Variants in MALAT1 observed in about 807,000 individuals in gnomAD.
The protein encoded by MALAT1 is hepcarcin.
chr11:65,497,871 T>TC (rs763158523), intron 1 of MALAT1: 1 of 518,366 alleles, frequency 1.9e-6, no homozygotes, highest in Admixed American at 1.9e-5. Flanking sequence ...TGAAGGCAGG[T>TC]CCCCTCTGAC....
exon 1 of MALAT1, chr11:65,497,826 C>T (rs774648841): frequency 7.8e-6 from 4 of 513,288 alleles, no homozygotes; most frequent in Middle Eastern, 3.2e-4. Flanking sequence ...ATTTTAGCAA[C>T]GCAGAAGCCC....
In MALAT1 at chr11:65,503,300, C is replaced by T. The variant is rs1325929121; in HGVS notation, n.4563C>T. On this transcript the variant is annotated non_coding_transcript_exon_variant, in exon 3 of 4. Transcript: ENST00000619449. ...ATGGCACTTTCTCCTGACCCCTTCC[C>T]TAGGGGATTTCAGGATTGAGAAATT... 5.8e-6 allele frequency: 3 copies of T among 518,348 alleles called. No homozygotes were observed. The Admixed American group carries it at 5.8e-5, about 10-fold the overall frequency. The allele number at this position is 518,348 out of a possible 1,614,324, so 32.1% of individuals were successfully genotyped here.
At position 65,498,911 on chromosome 11, in the gene MALAT1, A is replaced by G. The variant is rs762582788; in HGVS notation, n.232-58A>G. 9 of 518,700 alleles carry G rather than the reference A, an allele frequency of 1.7e-5. No individual in the cohort carries two copies. The East Asian group carries it at 4.9e-4, about 28-fold the overall frequency. 32.1% of individuals were successfully genotyped at this position (518,700 alleles called of 1,614,324 possible). A position where few individuals can be genotyped will look rare whatever the true frequency, so the allele number is the denominator to read the frequency against. ...CATAAGCTGTTAAGAAAAATCTAGA[A>G]AAGTAAAACTAGAACCTATTTTTAA... On this transcript the variant is annotated intron_variant and non_coding_transcript_variant, in intron 2 of 3. Coordinates refer to ENST00000619449, the Ensembl canonical transcript of MALAT1.
rs777794866 is a variant in MALAT1, at chr11:65,506,228, C to T, written n.5169-32C>T. ...ACTCTTTCTGTATTTCTCCTTTTCT[C>T]TGCAGGTGCTAGTTCTTGGAGTTTT... On this transcript the variant is annotated intron_variant and non_coding_transcript_variant, in intron 3 of 3. Transcript: ENST00000619449. 4 of 457,584 alleles carry T rather than the reference C, an allele frequency of 8.7e-6. No individual in the cohort carries two copies. The Admixed American group carries it at 1.1e-4, about 13-fold the overall frequency. The allele number at this position is 457,584 out of a possible 1,614,324, so 28.3% of individuals were successfully genotyped here. A position where few individuals can be genotyped will look rare whatever the true frequency, so the allele number is the denominator to read the frequency against.
chr11:65,499,074 C>G (rs372580170), exon 3 of MALAT1: 7 of 518,180 alleles, frequency 1.4e-5, no homozygotes, highest in South Asian at 8.4e-5. Context: ...GCAGGGGCTT[C>G]TGCTGAGGGG....
exon 3 of MALAT1, chr11:65,502,502 T>G (rs1194731270): frequency 6.2e-6 from 3 of 484,350 alleles, no homozygotes; most frequent in Non-Finnish European, 1.2e-5. Context: ...CTTCAAAAAT[T>G]TTGTAAATTG....
chr11:65,500,080 TGAG>T (rs760007277), exon 3 of MALAT1: 8 of 456,112 alleles, frequency 1.8e-5, no homozygotes, highest in African/African-American at 1.4e-4. Flanking sequence ...CTTGAGAAGA[TGAG>T]GGTGTTTACG....
chr11:65,501,232 TTGTGGGG>T, exon 3 of MALAT1: 1 of 476,000 alleles, frequency 2.1e-6, no homozygotes, highest in Non-Finnish European at 4.1e-6. Flanking sequence ...GTATTTTTTT[TTGTGGGG>T]GTGGGGGCAA....
chr11:65,500,618 C>T (rs776636510), exon 3 of MALAT1: 5 of 518,844 alleles, frequency 9.6e-6, no homozygotes, highest in South Asian at 7.0e-5. Flanking sequence ...AAAAAGGATT[C>T]CAGGAAGGAG....
chr11:65,500,011 A>C lies in MALAT1; in HGVS notation n.1274A>C, dbSNP rs749213796. The C allele has an allele frequency of 2.5e-4, 107 of 426,520 alleles. 1 individual carries two copies. The highest frequency in any genetic ancestry group is 4.3e-4 in the South Asian group (25 of 57,742). 26.4% of individuals were successfully genotyped at this position (426,520 alleles called of 1,614,324 possible). A position where few individuals can be genotyped will look rare whatever the true frequency, so the allele number is the denominator to read the frequency against. The stretch of plus-strand genomic sequence containing the variant: ...AAAAATGAGGAAATTATTGGTAACC[A>C]ATTTATTTTAAAAGCCCATCAATTT... On this transcript the variant is annotated non_coding_transcript_exon_variant, in exon 3 of 4. Transcript: ENST00000619449.
chr11:65,501,396 C>T (rs544744669), exon 3 of MALAT1: 3 of 518,164 alleles, frequency 5.8e-6, no homozygotes, highest in Admixed American at 1.9e-5. Flanking sequence ...GCAGTTCTCA[C>T]GTTGAGGTCT....
At chr11:65,501,568 TG>T (rs1257225498) in exon 3 of MALAT1, 1 of 518,530 alleles carries the variant, frequency 1.9e-6, no homozygotes, top group East Asian at 5.4e-5. Flanking sequence ...GGGGAGAAAA[TG>T]TTTTTTTCTA....
intron 1 of MALAT1, chr11:65,498,585 AT>A (rs760106170): frequency 1.2e-5 from 6 of 518,792 alleles, no homozygotes; most frequent in Non-Finnish European, 2.3e-5. Flanking sequence ...AAAGTCCGCC[AT>A]TTTGCCACTT....
At chr11:65,503,397 T>TCA (rs1251766250) in exon 3 of MALAT1, 1 of 516,934 alleles carries the variant, frequency 1.9e-6, no homozygotes, top group Admixed American at 2.0e-5. Flanking sequence ...TACACTTCAC[T>TCA]CAGAGGCATT....
exon 3 of MALAT1, chr11:65,502,426 G>GTT (rs35843482): frequency 2.4e-4 from 118 of 494,214 alleles, no homozygotes; most frequent in East Asian, 6.7e-4. Context: ...GTGTAAGCAA[G>GTT]TTTTTTTTTA....
chr11:65,502,839 A>G (rs765232588), exon 3 of MALAT1: 3 of 503,546 alleles, frequency 6.0e-6, no homozygotes, highest in South Asian at 4.4e-5. Context: ...TTTTAAGCAA[A>G]TGAAAGCTAC....
exon 3 of MALAT1, chr11:65,503,192 ATAAG>A (rs1239095992): frequency 3.9e-6 from 2 of 512,622 alleles, no homozygotes; most frequent in Non-Finnish European, 7.8e-6. Flanking sequence ...CTGTTAACAG[ATAAG>A]TTTAACTTGC....
chr11:65,502,674 C>CT (rs755219366), exon 3 of MALAT1: 9 of 491,772 alleles, frequency 1.8e-5, no homozygotes, highest in African/African-American at 8.0e-5. Flanking sequence ...CATAACCAGC[C>CT]TGGCAGTATG....
exon 3 of MALAT1, chr11:65,499,702 T>TA: frequency 2.3e-6 from 1 of 433,334 alleles, no homozygotes; most frequent in Non-Finnish European, 4.5e-6. Context: ...AAGAAAAGAA[T>TA]AGAGAAGATA....
Sources: allele counts gnomAD v4.1 joint callset, GRCh38; gene constraint gnomAD v4.1.1; transcripts MANE v1.5; gene names NCBI Gene and HGNC (gene_info 2026-07-23, HGNC 2026-07-21).